Variants in SCGB3A2 observed in about 807,000 individuals in gnomAD.
SCGB3A2 encodes the protein secretoglobin family 3A member 2.
SCGB3A2 carries 5 observed loss-of-function variants against 7.7 expected under a neutral mutation model. That is an observed-to-expected ratio of 0.65 (90% CI 0.34 to 1.36). The LOEUF is 1.36. Ranked by LOEUF, SCGB3A2 falls within the 40% of genes most tolerant of loss-of-function variation. The pLI is 0.04. For synonymous variants in SCGB3A2, 44 were observed against 42.7 expected (o/e 1.03, Z -0.12); for missense variants, 109 against 103.6 (o/e 1.05, Z -0.23).
Position 147,881,617 on chromosome 5 carries a change from C to A in SCGB3A2, c.227C>A (p.Pro76Gln), listed in dbSNP as rs771962468. 2 of 1,613,774 alleles carry A rather than the reference C, an allele frequency of 1.2e-6. No individual in the cohort carries two copies. The highest frequency in any genetic ancestry group is 1.7e-6 in the Non-Finnish European group (2 of 1,179,860). The change falls in exon 2 of 3, where the codon CCA (proline) becomes CAA (glutamine). Residue 76 changes from proline (P) to glutamine (Q), a missense_variant. Transcript: ENST00000296694. Reference protein sequence around the residue: ...GLRKCVNELGPEASEAVKKLL... With the variant: ...GLRKCVNELGQEASEAVKKLL... ...AGGAAGTGTGTAAATGAGCTGGGAC[C>A]AGAGGCTTCTGAAGCTGTGAAGAAA...
intron 1 of SCGB3A2, among the ~76,000 whole-genome samples, chr5:147,879,225 A>G (rs1462690452): frequency 6.6e-6 from 1 of 152,180 alleles, no homozygotes; most frequent in Non-Finnish European, 1.5e-5. Context: ...CTCAATTTTG[A>G]GTTAAAATTT....
At chr5:147,881,387 T>A in intron 1 of SCGB3A2, 59 bp from the exon 2 acceptor site, 1 of 1,282,896 alleles carries the variant, frequency 7.8e-7, no homozygotes. Context: ...GGAAAGAAGA[T>A]GAGGTCATAG....
In SCGB3A2 at chr5:147,882,125, C is replaced by CAGGTTT; in HGVS notation, c.*75_*76insAGGTTT. The CAGGTTT allele has an allele frequency of 7.0e-7, 1 of 1,429,458 alleles. No individual in the cohort carries two copies. Among genetic ancestry groups the CAGGTTT allele is most frequent in the Admixed American group, 1.7e-5 (1 of 59,544 alleles). 88.5% of individuals were successfully genotyped at this position (1,429,458 alleles called of 1,614,324 possible). A position where few individuals can be genotyped will look rare whatever the true frequency, so the allele number is the denominator to read the frequency against. On this transcript the variant is annotated 3_prime_UTR_variant, in exon 3 of 3. Coordinates refer to ENST00000296694, the MANE Select transcript of SCGB3A2 (RefSeq NM_054023.5). ...TCCTCCCTGCCTGAAACCTGTTCTACCAATTATAGATCAAATGCCCTAAAA... is the reference window on the plus strand; with the variant it reads ...TCCTCCCTGCCTGAAACCTGTTCTACAGGTTTCAATTATAGATCAAATGCCCTAAAA...
At position 147,878,803 on chromosome 5, in the gene SCGB3A2, C is replaced by A. The variant is rs370711811; in HGVS notation, c.-1C>A. The A allele has an allele frequency of 9.9e-6, 16 of 1,612,178 alleles. No individual in the cohort carries two copies. The highest frequency in any genetic ancestry group is 1.4e-5 in the Non-Finnish European group (16 of 1,178,302). ...CCTGAAAAATATCCCAGATAACTGT[C>A]ATGAAGCTGGTAACTATCTTCCTGC... On this transcript the variant is annotated 5_prime_UTR_variant, in exon 1 of 3. Transcript: ENST00000296694.
In SCGB3A2 at chr5:147,879,511, A is replaced by T. The variant is rs557364182; in HGVS notation, c.55+653A>T. ...TTACTATAATTCTAGACTACTGTAAACGTACTGTGAGATATCCAGATAGAA... is the reference window on the plus strand; with the variant it reads ...TTACTATAATTCTAGACTACTGTAATCGTACTGTGAGATATCCAGATAGAA... On this transcript the variant is annotated intron_variant, in intron 1 of 2. Coordinates refer to ENST00000296694, the MANE Select transcript of SCGB3A2 (RefSeq NM_054023.5). Among the ~76,000 whole-genome samples, 126 of 152,346 alleles carry T rather than the reference A, an allele frequency of 8.3e-4. 1 individual carries two copies. The highest frequency in any genetic ancestry group is 2.8e-3 in the African/African-American group (116 of 41,576).
intron 2 of SCGB3A2, 87 bp downstream of exon 2, chr5:147,881,735 T>C (rs113050972): frequency 1.9e-6 from 2 of 1,034,746 alleles, no homozygotes; most frequent in South Asian, 1.6e-5. Context: ...CTTGTAAATG[T>C]GCATTTCCAC....
In SCGB3A2 at chr5:147,881,510, C is replaced by T; in HGVS notation, c.120C>T (p.Asp40=). The change falls in exon 2 of 3, where the codon GAC becomes GAT. Residue 40 remains aspartate, a synonymous_variant. Coordinates refer to ENST00000296694, the MANE Select transcript of SCGB3A2 (RefSeq NM_054023.5). The part of the protein sequence containing the change: ...PVDKLAPLPL[D]NILPFMDPLK... Reference sequence around the variant, plus strand: ...ACAAGTTGGCACCTTTACCTCTGGACAACATTCTTCCCTTTATGGATCCAT... The same window carrying T: ...ACAAGTTGGCACCTTTACCTCTGGATAACATTCTTCCCTTTATGGATCCAT... 1 of 1,614,024 alleles carries T rather than the reference C, an allele frequency of 6.2e-7. No individual in the cohort carries two copies. The highest frequency in any genetic ancestry group is 2.2e-5 in the East Asian group (1 of 44,854).
At chr5:147,879,344 GTT>G (rs1472258040) in intron 1 of SCGB3A2, among the ~76,000 whole-genome samples, 5 of 152,222 alleles carry the variant, frequency 3.3e-5, no homozygotes, top group Non-Finnish European at 7.3e-5. Context: ...ACATTCATCT[GTT>G]TATCCACTCA....
chr5:147,881,878 C>G, intron 2 of SCGB3A2, 149 bp from the exon 3 acceptor site: 1 of 862,556 alleles, frequency 1.2e-6, no homozygotes, highest in Non-Finnish European at 1.9e-6. Context: ...TTACCACCTT[C>G]GTGATTTTGG....
At chr5:147,879,084 C>T (rs777005958) in intron 1 of SCGB3A2, among the ~76,000 whole-genome samples, 1 of 152,134 alleles carries the variant, frequency 6.6e-6, no homozygotes, top group Non-Finnish European at 1.5e-5. Context: ...TTCAGATCCC[C>T]ACCATCTAAG....
chr5:147,878,940 C>T, intron 1 of SCGB3A2, 82 bp downstream of exon 1: 1 of 932,748 alleles, frequency 1.1e-6, no homozygotes, highest in East Asian at 2.4e-5. Context: ...AGCCTTGCCT[C>T]ACTGACAGTG....
rs182450127 is a variant in SCGB3A2 at position 147,881,153 on chromosome 5, T to C, written c.56-293T>C. 942 of 319,840 alleles carry C rather than the reference T, an allele frequency of 2.9e-3. 5 individuals carry two copies. Among genetic ancestry groups the C allele is most frequent in the Admixed American group, 4.7e-3 (102 of 21,810 alleles). The allele number at this position is 319,840 out of a possible 1,614,324, so 19.8% of individuals were successfully genotyped here. The stretch of plus-strand genomic sequence containing the variant: ...ATGAAGAGTTGCTTTTTTTAGGTAA[T>C]GGTAAGAAAAAATAAATGACGGAGA... On this transcript the variant is annotated intron_variant, in intron 1 of 2. Transcript: ENST00000296694.
At chr5:147,880,734 T>C (rs1338594214) in intron 1 of SCGB3A2, 1 of 152,338 alleles carries the variant, frequency 6.6e-6, no homozygotes, top group East Asian at 1.9e-4. Context: ...CATACACAGA[T>C]CTTCTATCAC....
At chr5:147,881,083 G>T (rs1757340559) in intron 1 of SCGB3A2, 2 of 216,914 alleles carry the variant, frequency 9.2e-6, no homozygotes, top group Admixed American at 1.1e-4. Context: ...TTGTTCTCAT[G>T]GAGCCTCCAT....
intron 1 of SCGB3A2, among the ~76,000 whole-genome samples, chr5:147,879,553 G>T (rs959960873): frequency 2.0e-5 from 3 of 152,204 alleles, no homozygotes; most frequent in South Asian, 2.1e-4. Flanking sequence ...TAGTGTATTG[G>T]TGGGTGATTA....
intron 1 of SCGB3A2, chr5:147,880,822 G>C (rs1299523967): frequency 6.5e-6 from 1 of 153,722 alleles, no homozygotes; most frequent in Non-Finnish European, 1.4e-5. Flanking sequence ...AGATAGAGTT[G>C]GTGCTCAATT....
Position 147,881,133 on chromosome 5 carries a change from GA to G in SCGB3A2, c.56-312del. ...AAAGACAATAAAAACAGCAAATGAA[GA>G]GTTGCTTTTTTTAGGTAATGGTAAG... is the stretch of plus-strand genomic sequence containing the variant. On this transcript the variant is annotated intron_variant, in intron 1 of 2. Coordinates refer to ENST00000296694, the MANE Select transcript of SCGB3A2 (RefSeq NM_054023.5). The G allele has an allele frequency of 1.0e-5, 3 of 297,454 alleles. No individual in the cohort carries two copies. The East Asian group carries it at 2.0e-4, about 20-fold the overall frequency. The allele number at this position is 297,454 out of a possible 1,614,324, so 18.4% of individuals were successfully genotyped here. A position where few individuals can be genotyped will look rare whatever the true frequency, so the allele number is the denominator to read the frequency against.
intron 1 of SCGB3A2, among the ~76,000 whole-genome samples, chr5:147,880,341 G>GA (rs1348953275): frequency 3.3e-5 from 5 of 150,714 alleles, no homozygotes; most frequent in South Asian, 2.1e-4. Context: ...CTGCCCTCAG[G>GA]AAAAAAAAAT....
chr5:147,881,153 T>A, intron 1 of SCGB3A2: 1 of 319,838 alleles, frequency 3.1e-6, no homozygotes, highest in Non-Finnish European at 5.7e-6. Context: ...TTTTAGGTAA[T>A]GGTAAGAAAA....
Sources: gnomAD v4.1 joint callset for allele counts (sites outside exome capture counted in the v4.1 genomes callset) on GRCh38, gnomAD v4.1.1 for gene constraint, MANE v1.5 for transcripts, NCBI Gene and HGNC (gene_info 2026-07-23, HGNC 2026-07-21) for gene names.